Variants in BMP6 observed in about 807,000 individuals in gnomAD.
The protein encoded by BMP6 is bone morphogenetic protein 6.
BMP6 carries 17 observed loss-of-function variants against 54.1 expected under a neutral mutation model. That is an observed-to-expected ratio of 0.31 (90% CI 0.22 to 0.47). The LOEUF is 0.47. Ranked by LOEUF, BMP6 falls within the 20% of genes least tolerant of loss-of-function variation. The pLI, the probability that BMP6 is intolerant of heterozygous loss-of-function variation, is 1.00. For synonymous variants in BMP6, 328 were observed against 291.2 expected, an observed-to-expected ratio of 1.13 and a Z score of -1.28; for missense variants, 720 against 690.4, an observed-to-expected ratio of 1.04 and a Z score of -0.48.
intron 1 of BMP6, among the ~76,000 whole-genome samples, chr6:7,786,318 G>A (rs1016798771): frequency 2.0e-5 from 3 of 152,174 alleles, no homozygotes; most frequent in Non-Finnish European, 4.4e-5. Context: ...ACTGCCTGTG[G>A]CATATGCTTT....
chr6:7,834,677 A>G (rs1414675184), intron 1 of BMP6, among the ~76,000 whole-genome samples: 2 of 152,118 alleles, frequency 1.3e-5, no homozygotes, highest in African/African-American at 4.8e-5. Flanking sequence ...GCCAACCCAA[A>G]AAAAATAAGA....
chr6:7,876,065 T>TG (rs1471794531), intron 4 of BMP6, among the ~76,000 whole-genome samples: 1 of 152,116 alleles, frequency 6.6e-6, no homozygotes, highest in African/African-American at 2.4e-5. Flanking sequence ...TCGTGGGAAA[T>TG]GGGGCTCTGA....
intron 1 of BMP6, among the ~76,000 whole-genome samples, chr6:7,834,093 G>T (rs1489213264): frequency 1.3e-5 from 2 of 152,028 alleles, no homozygotes; most frequent in African/African-American, 4.8e-5. Flanking sequence ...CAGGGTAGTG[G>T]GGAGCTGTCC....
At chr6:7,824,038 G>A (rs1758654870) in intron 1 of BMP6, among the ~76,000 whole-genome samples, 1 of 152,166 alleles carries the variant, frequency 6.6e-6, no homozygotes, top group South Asian at 2.1e-4. Flanking sequence ...GGCATGTTAG[G>A]TGGCTGTTGC....
chr6:7,810,159 T>A (rs920185831), intron 1 of BMP6, among the ~76,000 whole-genome samples: 12 of 152,350 alleles, frequency 7.9e-5, no homozygotes, highest in Admixed American at 7.2e-4. Flanking sequence ...TTTCTTTGAT[T>A]CGCTGGAGAA....
At chr6:7,746,208 C>T (rs1757345115) in intron 1 of BMP6, among the ~76,000 whole-genome samples, 1 of 152,156 alleles carries the variant, frequency 6.6e-6, no homozygotes, top group Non-Finnish European at 1.5e-5. Flanking sequence ...GGTGCTGGCA[C>T]AGTACTCGGC....
chr6:7,733,952 C>T (rs146564632), intron 1 of BMP6, among the ~76,000 whole-genome samples: 2 of 150,330 alleles, frequency 1.3e-5, no homozygotes, highest in African/African-American at 5.0e-5. Flanking sequence ...ATTCTCAGAA[C>T]CTGCATTCCC....
chr6:7,881,393 C>A lies in BMP6; in HGVS notation c.*1050C>A, dbSNP rs566619364. 77 of 152,646 alleles carry A rather than the reference C, an allele frequency of 5.0e-4. No homozygotes were observed. Among genetic ancestry groups the A allele is most frequent in the African/African-American group, 1.6e-3 (65 of 41,538 alleles). The allele number at this position is 152,646 out of a possible 1,614,324, so 9.5% of individuals were successfully genotyped here. A position where few individuals can be genotyped will look rare whatever the true frequency, so the allele number is the denominator to read the frequency against. On this transcript the variant is annotated 3_prime_UTR_variant, in exon 7 of 7. Coordinates refer to ENST00000283147, the MANE Select transcript of BMP6 (RefSeq NM_001718.6). ...ACTGGGAAGGCAATTTCATACTAAA[C>A]TGATTAAATAATACATTTATAATCT...
intron 1 of BMP6, among the ~76,000 whole-genome samples, chr6:7,839,379 T>C (rs920534181): frequency 6.6e-5 from 10 of 152,250 alleles, no homozygotes; most frequent in African/African-American, 2.2e-4. Context: ...GACATTCACA[T>C]TGATTGTGCC....
chr6:7,742,473 T>C (rs1757282907), intron 1 of BMP6, among the ~76,000 whole-genome samples: 1 of 152,150 alleles, frequency 6.6e-6, no homozygotes, highest in South Asian at 2.1e-4. Context: ...AGACATTCTG[T>C]TTACATAAGG....
intron 1 of BMP6, among the ~76,000 whole-genome samples, chr6:7,803,205 C>T (rs370514045): frequency 4.6e-5 from 7 of 152,070 alleles, no homozygotes; most frequent in African/African-American, 1.2e-4. Flanking sequence ...GTAGAAAGAC[C>T]GTGACTGGCT....
At chr6:7,874,994 G>T (rs1244649896) in intron 4 of BMP6, among the ~76,000 whole-genome samples, 1 of 152,138 alleles carries the variant, frequency 6.6e-6, no homozygotes, top group African/African-American at 2.4e-5. Context: ...AGGCCAAGAA[G>T]TCACATGAGC....
chr6:7,817,233 G>T (rs1758542223), intron 1 of BMP6, among the ~76,000 whole-genome samples: 1 of 152,044 alleles, frequency 6.6e-6, no homozygotes, highest in South Asian at 2.1e-4. Context: ...GTCTTCTGGT[G>T]TTCAAAGTTC....
At chr6:7,745,861 G>A (rs1434875296) in intron 1 of BMP6, among the ~76,000 whole-genome samples, 3 of 152,020 alleles carry the variant, frequency 2.0e-5, no homozygotes, top group Non-Finnish European at 4.4e-5. Context: ...CCAGCTATTC[G>A]GGAGGCTGAG....
intron 2 of BMP6, among the ~76,000 whole-genome samples, chr6:7,860,145 G>T (rs1289796772): frequency 6.6e-6 from 1 of 152,208 alleles, no homozygotes; most frequent in Non-Finnish European, 1.5e-5. Context: ...CGGTAGCCTT[G>T]TGTCTGAGTC....
At chr6:7,843,250 C>A (rs1581273148) in intron 1 of BMP6, among the ~76,000 whole-genome samples, 2 of 150,280 alleles carry the variant, frequency 1.3e-5, no homozygotes, top group Admixed American at 1.3e-4. Context: ...AAAGCTTATT[C>A]TTTTTTAACC....
At chr6:7,830,666 T>C (rs1758779396) in intron 1 of BMP6, among the ~76,000 whole-genome samples, 1 of 152,202 alleles carries the variant, frequency 6.6e-6, no homozygotes, top group South Asian at 2.1e-4. Context: ...TCCACATGAC[T>C]GGGGAGGTCT....
chr6:7,781,677 G>T, intron 1 of BMP6, among the ~76,000 whole-genome samples: 1 of 151,518 alleles, frequency 6.6e-6, no homozygotes, highest in East Asian at 1.9e-4. Context: ...AACAGACATG[G>T]TTATCAATCA....
intron 1 of BMP6, among the ~76,000 whole-genome samples, chr6:7,839,989 T>C (rs1474053094): frequency 2.0e-5 from 3 of 152,194 alleles, no homozygotes; most frequent in Non-Finnish European, 4.4e-5. Context: ...ATACTTTTAA[T>C]ACATCTCTAT....
Sources: gnomAD v4.1 joint callset for allele counts (sites outside exome capture counted in the v4.1 genomes callset) on GRCh38, gnomAD v4.1.1 for gene constraint, MANE v1.5 for transcripts, NCBI Gene and HGNC (gene_info 2026-07-23, HGNC 2026-07-21) for gene names.